Variants in BDP1 observed in about 807,000 individuals in gnomAD.
BDP1 encodes transcription factor TFIIIB component B'' homolog.
A neutral mutation model predicts 266.6 loss-of-function variants in BDP1; 169 were observed. The ratio of observed to expected loss-of-function variants is 0.63; its 90% CI spans 0.56 to 0.72. The LOEUF (loss-of-function observed/expected upper bound fraction) is 0.72, where lower values mean the gene tolerates loss of function less well. Ranked by LOEUF, BDP1 falls within the 30% of genes least tolerant of loss-of-function variation. BDP1 has a pLI of 0.00. For missense variants in BDP1, 3,015 were observed against 3,053.8 expected, an observed-to-expected ratio of 0.99 and a Z score of 0.30; for synonymous variants, 1,090 against 1,022.4, an observed-to-expected ratio of 1.07 and a Z score of -1.26.
intron 13 of BDP1, 47 bp from the exon 14 acceptor site, chr5:71,501,515 G>C (rs762324520): frequency 8.8e-7 from 1 of 1,142,496 alleles, no homozygotes; most frequent in African/African-American, 1.5e-5. Context: ...TACAAAGTTT[G>C]AACTGTTTAT....
Position 71,541,499 on chromosome 5 carries a change from A to G in BDP1, c.6068A>G (p.His2023Arg), listed in dbSNP as rs201281233. 3 of 1,603,974 alleles carry G rather than the reference A, an allele frequency of 1.9e-6. No individual in the cohort carries two copies. The highest frequency in any genetic ancestry group is 1.7e-5 in the Admixed American group (1 of 59,318). The change falls in exon 29 of 39, where the codon CAT becomes CGT. Residue 2023 changes from histidine to arginine, a missense_variant. Physicochemically the swap from His to Arg is conservative, Grantham distance 29. Transcript: ENST00000358731. ...CATGTTCATTCAAAGGATAAAAGCC[A>G]TATTCCTTCTAGCCTAGATAATGTA... The part of the protein sequence containing the change: ...IPHVHSKDKS[H>R]IPSSLDNVNH...
rs1290074120 is a variant in BDP1 at position 71,510,675 on chromosome 5, GTAA to G, written c.3586_3588del (p.Ile1196del). 1.1e-5 allele frequency: 18 copies of G among 1,612,594 alleles called. No individual in the cohort carries two copies. In the Admixed American group the frequency reaches 2.0e-4, roughly 18 times the overall value. On this transcript the variant is annotated inframe_deletion, in exon 17 of 39. Coordinates refer to ENST00000358731, the MANE Select transcript of BDP1 (RefSeq NM_018429.3). The stretch of plus-strand genomic sequence containing the variant: ...ACGAGAGGTGATTGATGCTGCTGAG[GTAA>G]TAGAGACAGATTTGGAAGAAACTGA...
intron 7 of BDP1, chr5:71,475,622 C>T (rs1762532715): frequency 6.6e-6 from 1 of 152,286 alleles, no homozygotes; most frequent in Admixed American, 6.5e-5. Context: ...ATTGGTCACA[C>T]CTTTTAAAAC....
chr5:71,476,374 A>G (rs1335907254), intron 7 of BDP1: 1 of 152,180 alleles, frequency 6.6e-6, no homozygotes, highest in African/African-American at 2.4e-5. Flanking sequence ...AGATTCATAG[A>G]GTACGGTCTG....
intron 31 of BDP1, 133 bp downstream of exon 31, chr5:71,544,640 G>C: frequency 1.1e-6 from 1 of 904,412 alleles, no homozygotes; most frequent in Non-Finnish European, 1.7e-6. Flanking sequence ...GGCACTTTGG[G>C]AGGCCAAGAC....
intron 26 of BDP1, among the ~76,000 whole-genome samples, chr5:71,535,814 C>G (rs156756): frequency 0.31 from 46,780 of 151,972 alleles, 8,106 homozygotes; most frequent in East Asian, 0.5. Flanking sequence ...GCATTTTCCC[C>G]TTGTGTATGT....
intron 12 of BDP1, 39 bp from the exon 13 acceptor site, chr5:71,497,231 T>A (rs1281294267): frequency 6.3e-7 from 1 of 1,576,780 alleles, no homozygotes; most frequent in South Asian, 1.1e-5. Flanking sequence ...TGGACATGAC[T>A]GCATGTTTGA....
chr5:71,476,713 C>A (rs576984064), intron 7 of BDP1, among the ~76,000 whole-genome samples: 1 of 150,556 alleles, frequency 6.6e-6, no homozygotes, highest in East Asian at 2.0e-4. Flanking sequence ...AGCTAATTTT[C>A]TTTTTTTTGA....
intron 5 of BDP1, 88 bp downstream of exon 5, chr5:71,466,309 C>T: frequency 1.4e-6 from 2 of 1,432,026 alleles, no homozygotes; most frequent in Non-Finnish European, 1.9e-6. Context: ...TCTGTATTGG[C>T]CTTTGTCACT....
Position 71,544,858 on chromosome 5 carries a change from C to T in BDP1, c.6564-181C>T, listed in dbSNP as rs199942706. Among the ~76,000 whole-genome samples the T allele has an allele frequency of 6.1e-4, 65 of 106,924 alleles. No homozygotes were observed. In the East Asian group the frequency reaches 0.018, roughly 30 times the overall value. 70.1% of individuals were successfully genotyped at this position (106,924 alleles called of 152,430 possible). On this transcript the variant is annotated intron_variant, in intron 31 of 38. Coordinates refer to ENST00000358731, the MANE Select transcript of BDP1 (RefSeq NM_018429.3). ...TCGCGCCACTGCACTCCAGCCTGGG[C>T]GACAGAGTGAGACTCTGTCTCAAAA...
intron 37 of BDP1, among the ~76,000 whole-genome samples, chr5:71,561,120 G>A (rs1743619837): frequency 6.7e-6 from 1 of 149,302 alleles, no homozygotes; most frequent in Non-Finnish European, 1.5e-5. Flanking sequence ...GAAAAAAAAA[G>A]GCTGGGTGCG....
intron 25 of BDP1, among the ~76,000 whole-genome samples, chr5:71,528,123 G>C (rs989454717): frequency 6.6e-6 from 1 of 151,864 alleles, no homozygotes; most frequent in African/African-American, 2.4e-5. Context: ...ACCCGGCCTC[G>C]ATCTTATGTT....
At chr5:71,546,904 G>A (rs1171082994) in intron 32 of BDP1, among the ~76,000 whole-genome samples, 3 of 152,162 alleles carry the variant, frequency 2.0e-5, no homozygotes, top group Admixed American at 2.0e-4. Context: ...GGAGTGCAGT[G>A]GCACGATCTC....
the BDP1 span, among the ~76,000 whole-genome samples, chr5:71,574,616 C>T: frequency 1.3e-5 from 2 of 152,182 alleles, no homozygotes; most frequent in Admixed American, 6.5e-5. Context: ...TAATTTTAGG[C>T]AAAAGCTGTC....
chr5:71,475,482 T>G (rs1762525196), intron 7 of BDP1, among the ~76,000 whole-genome samples: 1 of 152,186 alleles, frequency 6.6e-6, no homozygotes, highest in African/African-American at 2.4e-5. Flanking sequence ...GTTCCTAATT[T>G]TATTCTGAAA....
intron 22 of BDP1, among the ~76,000 whole-genome samples, chr5:71,519,252 A>G (rs1219463327): frequency 1.3e-5 from 2 of 152,062 alleles, no homozygotes; most frequent in Admixed American, 1.3e-4. Context: ...CATTATACAC[A>G]ATATATAATT....
intron 28 of BDP1, among the ~76,000 whole-genome samples, chr5:71,539,973 C>T (rs914566852): frequency 9.9e-5 from 15 of 152,014 alleles, no homozygotes; most frequent in African/African-American, 3.4e-4. Context: ...GTTAACTGAG[C>T]TCATTGATCA....
At chr5:71,553,000 T>C (rs1742960902) in intron 34 of BDP1, 116 bp from the exon 35 acceptor site, 1 of 871,442 alleles carries the variant, frequency 1.1e-6, no homozygotes, top group Non-Finnish European at 1.7e-6. Flanking sequence ...GGAATTTTCA[T>C]TGGAATACCT....
intron 13 of BDP1, 90 bp from the exon 14 acceptor site, chr5:71,501,472 C>A (rs1379552115): frequency 7.0e-6 from 6 of 855,454 alleles, no homozygotes; most frequent in East Asian, 2.5e-5. Flanking sequence ...CCGTGCCCGG[C>A]CAGTTCTGTT....
Sources: gnomAD v4.1 joint callset for allele counts (sites outside exome capture counted in the v4.1 genomes callset) on GRCh38, gnomAD v4.1.1 for gene constraint, MANE v1.5 for transcripts, NCBI Gene and HGNC (gene_info 2026-07-23, HGNC 2026-07-21) for gene names.